ATP11C: variants seen among roughly 807,000 people sequenced by gnomAD.
The protein encoded by ATP11C is phospholipid-transporting ATPase IG.
In ATP11C, 36 loss-of-function variants were observed where a neutral mutation model predicts 97.4. The observed-to-expected ratio is 0.37, with a 90% confidence interval of 0.28 to 0.49. The LOEUF (loss-of-function observed/expected upper bound fraction) is 0.49, where lower values mean the gene tolerates loss of function less well. ATP11C is among the 20% of genes least tolerant of loss of function. The pLI is 0.98. For missense variants in ATP11C, 730 were observed against 824.6 expected (o/e 0.89, Z 1.40); for synonymous variants, 275 against 290.9 (o/e 0.95, Z 0.56).
At chrX:139,769,937 C>T (rs1457689976) in intron 19 of ATP11C, among the ~76,000 whole-genome samples, 2 of 111,686 alleles carry the variant, frequency 1.8e-5, no homozygotes, top group Non-Finnish European at 3.8e-5. Context: ...CCTAATATAC[C>T]TCATCATTCC....
intron 18 of ATP11C, among the ~76,000 whole-genome samples, chrX:139,779,623 C>T (rs1465652436): frequency 9.0e-6 from 1 of 111,704 alleles, no homozygotes; most frequent in Non-Finnish European, 1.9e-5. Flanking sequence ...TAATTGCCTA[C>T]ATCAAAAAGG....
chrX:139,838,202 T>C (rs141674986), intron 1 of ATP11C, among the ~76,000 whole-genome samples: 296 of 112,013 alleles, frequency 2.6e-3, no homozygotes, highest in African/African-American at 9.3e-3. Flanking sequence ...TAGTTGCAGG[T>C]CTATCTCAGA....
intron 20 of ATP11C, among the ~76,000 whole-genome samples, chrX:139,765,324 G>A (rs376160129): frequency 3.3e-4 from 37 of 111,919 alleles, no homozygotes; most frequent in Admixed American, 9.5e-5. Context: ...ACAGATATAA[G>A]GTTTCATCAC....
intron 1 of ATP11C, among the ~76,000 whole-genome samples, chrX:139,858,511 T>A (rs910722942): frequency 4.5e-4 from 51 of 112,211 alleles, no homozygotes; most frequent in African/African-American, 1.6e-3. Flanking sequence ...TTTATGTTGA[T>A]CACACCAAAA....
intron 20 of ATP11C, among the ~76,000 whole-genome samples, chrX:139,767,842 A>G (rs914639107): frequency 2.7e-5 from 3 of 112,135 alleles, no homozygotes; most frequent in African/African-American, 9.7e-5. Context: ...GATATAACTG[A>G]TGGTGTCAAG....
intron 12 of ATP11C, 37 bp downstream of exon 12, chrX:139,796,236 C>T (rs764045369): frequency 1.4e-5 from 14 of 1,027,621 alleles, no homozygotes; most frequent in East Asian, 3.2e-5. Context: ...ATTTTCACTA[C>T]GTTGACAAAT....
At chrX:139,879,455 T>C (rs1453276399) in intron 1 of ATP11C, among the ~76,000 whole-genome samples, 2 of 111,235 alleles carry the variant, frequency 1.8e-5, no homozygotes, top group African/African-American at 6.5e-5. Context: ...GTCTCACTTA[T>C]ATGTGGAATC....
At chrX:139,738,777 A>G (rs1205999344) in intron 27 of ATP11C, among the ~76,000 whole-genome samples, 1 of 110,502 alleles carries the variant, frequency 9.0e-6, no homozygotes, top group Admixed American at 9.6e-5. Context: ...CTTCTGTCTG[A>G]GCTGAACCAC....
At chrX:139,773,398 G>A (rs1010733029) in intron 19 of ATP11C, among the ~76,000 whole-genome samples, 1 of 111,130 alleles carries the variant, frequency 9.0e-6, no homozygotes, top group Non-Finnish European at 1.9e-5. Context: ...GACAGCAGAG[G>A]GCGGCCATTT....
chrX:139,768,201 T>C, intron 20 of ATP11C, 59 bp downstream of exon 20: 1 of 859,430 alleles, frequency 1.2e-6, no homozygotes, highest in Non-Finnish European at 1.5e-6. Flanking sequence ...AAAATAAACA[T>C]TTGCACATAT....
chrX:139,860,548 T>C lies in ATP11C; in HGVS notation c.28-33725A>G, dbSNP rs144658045. On this transcript the variant is annotated intron_variant, in intron 1 of 29. Coordinates refer to ENST00000682941, the MANE Select transcript of ATP11C (RefSeq NM_001353812.2). ...TAATCCAGATTCAGGCTGGGTGCAG[T>C]GGCTCACACCTGTAATCCCAGCACT... 5.6e-3 allele frequency among the ~76,000 whole-genome samples: 623 copies of C among 112,093 alleles called. 11 individuals carry two copies. The highest frequency in any genetic ancestry group is 0.018 in the African/African-American group (571 of 30,875).
chrX:139,887,641 A>G (rs947660523), intron 1 of ATP11C, among the ~76,000 whole-genome samples: 19 of 109,942 alleles, frequency 1.7e-4, no homozygotes, highest in Admixed American at 1.5e-3. Flanking sequence ...AGACAACACA[A>G]GACTGAAAAA....
chrX:139,823,197 G>A (rs908913740), intron 2 of ATP11C, among the ~76,000 whole-genome samples: 2 of 111,145 alleles, frequency 1.8e-5, no homozygotes, highest in South Asian at 3.9e-4. Flanking sequence ...GGGCGACAGA[G>A]ACTCTTGTCT....
chrX:139,752,230 TTTC>T (rs967417396), intron 23 of ATP11C, among the ~76,000 whole-genome samples: 5 of 111,593 alleles, frequency 4.5e-5, no homozygotes, highest in African/African-American at 1.6e-4. Context: ...TTTATTATGC[TTTC>T]TTTTTTCCAT....
intron 1 of ATP11C, among the ~76,000 whole-genome samples, chrX:139,852,742 T>A (rs1295255867): frequency 3.6e-5 from 4 of 109,814 alleles, no homozygotes; most frequent in Non-Finnish European, 7.6e-5. Flanking sequence ...TTAGGGCAGA[T>A]CCTGCCATGG....
intron 1 of ATP11C, among the ~76,000 whole-genome samples, chrX:139,893,920 T>A (rs182898245): frequency 9.1e-6 from 1 of 110,171 alleles, no homozygotes; most frequent in Admixed American, 9.8e-5. Context: ...AATTCTTAAC[T>A]CTTTCCAATG....
rs952947137 is a variant in ATP11C at position 139,734,901 on chromosome X, C to T, written c.3288+3015G>A. On this transcript the variant is annotated intron_variant, in intron 28 of 29. Transcript: ENST00000682941. Reference sequence around the variant, plus strand: ...GAAGATACTGGAATTCTTTCTAATACTAGCATTATGACAGAACTCAGTTGC... The same window carrying T: ...GAAGATACTGGAATTCTTTCTAATATTAGCATTATGACAGAACTCAGTTGC... Among the ~76,000 whole-genome samples the T allele has an allele frequency of 3.6e-5, 4 of 111,820 alleles. 1 individual carries two copies. Among genetic ancestry groups the T allele is most frequent in the South Asian group, 7.4e-4 (2 of 2,688 alleles).
At chrX:139,848,695 A>C (rs2083946121) in intron 1 of ATP11C, among the ~76,000 whole-genome samples, 1 of 104,059 alleles carries the variant, frequency 9.6e-6, no homozygotes, top group African/African-American at 3.5e-5. Context: ...CTCTACCCTC[A>C]GTTTCTCAAA....
At chrX:139,855,004 T>C (rs1284383275) in intron 1 of ATP11C, among the ~76,000 whole-genome samples, 5 of 112,077 alleles carry the variant, frequency 4.5e-5, no homozygotes, top group African/African-American at 1.6e-4. Flanking sequence ...TCTATAAAAA[T>C]CTTACCTTAT....
Sources: gnomAD v4.1 joint callset for allele counts (sites outside exome capture counted in the v4.1 genomes callset) on GRCh38, gnomAD v4.1.1 for gene constraint, MANE v1.5 for transcripts, NCBI Gene and HGNC (gene_info 2026-07-23, HGNC 2026-07-21) for gene names.